The following HGD variants were observed in gnomAD, a reference collection of about 807,000 sequenced individuals.
The protein encoded by HGD is homogentisate oxidase.
A neutral mutation model predicts 60.8 loss-of-function variants in HGD; 61 were observed. That is an observed-to-expected ratio of 1.00 (90% confidence interval 0.82 to 1.24). HGD has a LOEUF of 1.24. Ranked by LOEUF, HGD falls within the 50% of genes most tolerant of loss-of-function variation. The pLI is 0.00. For missense variants in HGD, 542 were observed against 547.1 expected (o/e 0.99, Z 0.09); for synonymous variants, 212 against 187.7 (o/e 1.13, Z -1.06).
chr3:120,677,728 C>T (rs1237225717), intron 1 of HGD, among the ~76,000 whole-genome samples: 1 of 152,170 alleles, frequency 6.6e-6, no homozygotes, highest in African/African-American at 2.4e-5. Flanking sequence ...CACTGCCTCC[C>T]CATTTGAAAA....
intron 1 of HGD, among the ~76,000 whole-genome samples, chr3:120,676,609 G>A (rs17140404): frequency 0.093 from 14,159 of 152,170 alleles, 1,860 homozygotes; most frequent in African/African-American, 0.3. Context: ...GCTCATAGAA[G>A]GTAATCAGTG....
chr3:120,679,643 G>A (rs962397370), intron 1 of HGD, among the ~76,000 whole-genome samples: 6 of 152,144 alleles, frequency 3.9e-5, no homozygotes, highest in Non-Finnish European at 5.9e-5. Context: ...GGGAGGCAAA[G>A]GGAGATTTGA....
intron 6 of HGD, among the ~76,000 whole-genome samples, chr3:120,650,143 T>A (rs929296512): frequency 6.6e-6 from 1 of 152,218 alleles, no homozygotes; most frequent in African/African-American, 2.4e-5. Context: ...ATGGGAAAAT[T>A]GTATCATTCA....
chr3:120,670,348 T>C, intron 4 of HGD, 79 bp downstream of exon 4: 1 of 800,274 alleles, frequency 1.2e-6, no homozygotes, highest in Non-Finnish European at 2.3e-6. Flanking sequence ...TTTTTTCCAA[T>C]GACCATGGTA....
intron 9 of HGD, among the ~76,000 whole-genome samples, chr3:120,645,317 C>G (rs1220827663): frequency 6.6e-6 from 1 of 152,204 alleles, no homozygotes; most frequent in South Asian, 2.1e-4. Context: ...TCCCACCTTC[C>G]TCTGCATATT....
intron 12 of HGD, among the ~76,000 whole-genome samples, chr3:120,635,893 G>A (rs1361828556): frequency 6.6e-6 from 1 of 152,090 alleles, no homozygotes; most frequent in Non-Finnish European, 1.5e-5. Context: ...TCCACCTAGG[G>A]ATGGGGACAC....
intron 2 of HGD, among the ~76,000 whole-genome samples, 187 bp from the exon 3 acceptor site, chr3:120,675,176 A>G (rs934437892): frequency 5.3e-5 from 8 of 152,130 alleles, no homozygotes; most frequent in Admixed American, 3.9e-4. Context: ...ATATATATTT[A>G]TTGTAGAAAA....
chr3:120,677,525 G>A (rs1018829430), intron 1 of HGD, among the ~76,000 whole-genome samples: 1 of 152,120 alleles, frequency 6.6e-6, no homozygotes, highest in Admixed American at 6.6e-5. Context: ...ATAAATTTTG[G>A]TCAGACCAGT....
chr3:120,640,583 G>A (rs556681568), intron 11 of HGD, among the ~76,000 whole-genome samples: 1 of 152,326 alleles, frequency 6.6e-6, no homozygotes, highest in East Asian at 1.9e-4. Context: ...TCGCATCTGT[G>A]TAAATTCAAA....
chr3:120,680,686 C>T (rs1218075947), intron 1 of HGD, among the ~76,000 whole-genome samples: 1 of 152,202 alleles, frequency 6.6e-6, no homozygotes, highest in African/African-American at 2.4e-5. Flanking sequence ...GCCCACTCCC[C>T]TGAAATCCAG....
rs866509210 is a variant in HGD, at chr3:120,644,383, C to T, written c.710G>A (p.Arg237His). 9 of 1,613,944 alleles carry T rather than the reference C, an allele frequency of 5.6e-6. No individual in the cohort carries two copies. Among genetic ancestry groups the T allele is most frequent in the Middle Eastern group, 1.6e-4 (1 of 6,084 alleles). ...FLIPIAWYED[R>H]QVPGGYTVIN... ...GACCGTGTAACCACCTGGTACTTGGCGATCCTCATACCAGGCAATGGGTAT... is the reference window on the plus strand; with the variant it reads ...GACCGTGTAACCACCTGGTACTTGGTGATCCTCATACCAGGCAATGGGTAT... The change falls in exon 10 of 14, where the codon CGC becomes CAC. Residue 237 changes from arginine (R) to histidine (H), a missense_variant. Around this residue, in one of 2 missense-constraint regions of HGD, gnomAD observed 537 missense variants for 529.1 expected, o/e 1.01. Transcript: ENST00000283871.
rs759615683 is a variant in HGD at position 120,646,973 on chromosome 3, C to A, written c.549G>T (p.Gln183His). ...LVQPNEICVI[Q>H]RGMRFSIDVF... The stretch of plus-strand genomic sequence containing the variant: ...GAAGAGAAGGGGACACATCACCAAC[C>A]TGAATGACGCAGATCTCATTGGGCT... The change falls in exon 8 of 14, where the codon CAG (glutamine) becomes CAT (histidine). Residue 183 changes from glutamine (Q) to histidine (H), a missense_variant and splice_region_variant. Around this residue, in one of 2 missense-constraint regions of HGD, gnomAD observed 537 missense variants for 529.1 expected, o/e 1.01. Transcript: ENST00000283871. The A allele has an allele frequency of 3.1e-6, 5 of 1,612,762 alleles. No homozygotes were observed. Among genetic ancestry groups the A allele is most frequent in the Non-Finnish European group, 3.4e-6 (4 of 1,178,874 alleles).
chr3:120,628,663 T>C (rs963527085), intron 13 of HGD, 134 bp from the exon 14 acceptor site: 4 of 1,062,280 alleles, frequency 3.8e-6, no homozygotes, highest in Non-Finnish European at 5.6e-6. Flanking sequence ...GCTAGAGTGG[T>C]GAGGAGAGCA....
At chr3:120,655,357 C>G (rs1190943444) in intron 4 of HGD, among the ~76,000 whole-genome samples, 4 of 152,170 alleles carry the variant, frequency 2.6e-5, no homozygotes, top group Non-Finnish European at 5.9e-5. Flanking sequence ...GGCCCACAAT[C>G]CGGAAGAAGC....
At chr3:120,632,932 C>T (rs1349179858) in intron 13 of HGD, among the ~76,000 whole-genome samples, 1 of 152,164 alleles carries the variant, frequency 6.6e-6, no homozygotes, top group East Asian at 1.9e-4. Context: ...CCAGGTCTGA[C>T]TCCAAGTCCA....
At chr3:120,655,523 A>G (rs529612855) in intron 4 of HGD, among the ~76,000 whole-genome samples, 8 of 152,228 alleles carry the variant, frequency 5.3e-5, no homozygotes, top group Non-Finnish European at 1.2e-4. Context: ...ATGAAGGATA[A>G]GAAAATCCCC....
chr3:120,639,517 C>A (rs959945912), intron 11 of HGD, among the ~76,000 whole-genome samples: 5 of 152,148 alleles, frequency 3.3e-5, no homozygotes, highest in African/African-American at 1.2e-4. Flanking sequence ...GCTTTTTCAC[C>A]CTGCTGAGCC....
chr3:120,675,693 A>G, intron 2 of HGD, 99 bp downstream of exon 2: 2 of 856,072 alleles, frequency 2.3e-6, no homozygotes, highest in Non-Finnish European at 2.0e-6. Flanking sequence ...TTCACAGGCT[A>G]GATTGGAAGA....
At chr3:120,640,846 T>C (rs1170575772) in intron 11 of HGD, among the ~76,000 whole-genome samples, 2 of 152,176 alleles carry the variant, frequency 1.3e-5, no homozygotes, top group African/African-American at 4.8e-5. Flanking sequence ...TGGCTCACAA[T>C]AATCCTTTTG....
Sources: allele counts gnomAD v4.1 joint callset (sites outside exome capture counted in the v4.1 genomes callset), GRCh38; gene constraint gnomAD v4.1.1; regional missense constraint gnomAD v4.1.1; transcripts MANE v1.5; gene names NCBI Gene and HGNC (gene_info 2026-07-23, HGNC 2026-07-21).